Variants in PLCB1 observed in about 807,000 individuals in gnomAD.
PLCB1 encodes the protein 1-phosphatidylinositol 4,5-bisphosphate phosphodiesterase beta-1.
In PLCB1, 46 loss-of-function variants were observed where a neutral mutation model predicts 161.8. That is an observed-to-expected ratio of 0.28 (90% CI 0.22 to 0.36). The LOEUF is 0.36. Among genes scored for constraint, PLCB1 ranks in the 10% least tolerant of loss-of-function variants. PLCB1 has a pLI of 1.00. For missense variants in PLCB1, 1,016 were observed against 1,472.5 expected (o/e 0.69, Z 5.07); for synonymous variants, 517 against 503.7 (o/e 1.03, Z -0.35).
At chr20:8,655,738 G>A (rs1989440445) in intron 7 of PLCB1, among the ~76,000 whole-genome samples, 1 of 152,032 alleles carries the variant, frequency 6.6e-6, no homozygotes, top group Admixed American at 6.6e-5. Flanking sequence ...ATCCAGTAAA[G>A]CTGGAGGCAC....
intron 12 of PLCB1, among the ~76,000 whole-genome samples, chr20:8,714,070 G>A (rs1423196713): frequency 6.6e-6 from 1 of 152,048 alleles, no homozygotes; most frequent in Non-Finnish European, 1.5e-5. Context: ...CAACAGTCAG[G>A]AAAAATGTCA....
At chr20:8,212,671 T>C (rs1978889477) in intron 2 of PLCB1, among the ~76,000 whole-genome samples, 1 of 152,132 alleles carries the variant, frequency 6.6e-6, no homozygotes. Flanking sequence ...CTTCAGACCT[T>C]GGCCAAAAGC....
intron 1 of PLCB1, among the ~76,000 whole-genome samples, chr20:8,146,152 A>C (rs1444712821): frequency 6.6e-6 from 1 of 151,692 alleles, no homozygotes; most frequent in African/African-American, 2.4e-5. Flanking sequence ...ACAGCATATA[A>C]ACAGATATTC....
intron 3 of PLCB1, among the ~76,000 whole-genome samples, chr20:8,526,808 T>C (rs1012380525): frequency 6.6e-6 from 1 of 152,108 alleles, no homozygotes; most frequent in Admixed American, 6.6e-5. Flanking sequence ...GCACCTACTG[T>C]TTCAATTTGC....
chr20:8,507,824 C>T (rs1454664293), intron 3 of PLCB1, among the ~76,000 whole-genome samples: 4 of 151,958 alleles, frequency 2.6e-5, no homozygotes, highest in Non-Finnish European at 5.9e-5. Context: ...AAATATAATA[C>T]AAAAAATGGA....
chr20:8,777,391 C>G (rs1982995758), intron 27 of PLCB1, among the ~76,000 whole-genome samples: 1 of 152,094 alleles, frequency 6.6e-6, no homozygotes, highest in African/African-American at 2.4e-5. Flanking sequence ...GCAGATGACT[C>G]AAGTTTACTA....
intron 3 of PLCB1, among the ~76,000 whole-genome samples, chr20:8,391,828 C>CTTGA (rs1987613820): frequency 7.6e-6 from 1 of 132,414 alleles, no homozygotes; most frequent in African/African-American, 2.8e-5. Flanking sequence ...TATATATACA[C>CTTGA]ACACATATAT....
intron 3 of PLCB1, among the ~76,000 whole-genome samples, chr20:8,431,162 T>C (rs757890560): frequency 3.9e-5 from 6 of 152,070 alleles, no homozygotes; most frequent in Non-Finnish European, 8.8e-5. Flanking sequence ...TCAAACGAAG[T>C]GTAAAAGAAA....
chr20:8,501,992 C>T (rs1451111119), intron 3 of PLCB1, among the ~76,000 whole-genome samples: 9 of 146,594 alleles, frequency 6.1e-5, no homozygotes, highest in African/African-American at 2.3e-4. Flanking sequence ...CTAAGGAATG[C>T]AATTCCAAAA....
intron 14 of PLCB1, among the ~76,000 whole-genome samples, chr20:8,719,426 A>G (rs1979507695): frequency 6.6e-6 from 1 of 152,204 alleles, no homozygotes; most frequent in Non-Finnish European, 1.5e-5. Context: ...CAACAGATAA[A>G]TGAATTATGG....
chr20:8,707,742 C>T (rs6086559), intron 11 of PLCB1, among the ~76,000 whole-genome samples: 45,101 of 151,988 alleles, frequency 0.3, 7,744 homozygotes, highest in South Asian at 0.45. Flanking sequence ...ATGTAGCTGT[C>T]CAACAGTTGG....
intron 2 of PLCB1, among the ~76,000 whole-genome samples, chr20:8,364,376 G>A (rs1600345145): frequency 6.6e-6 from 1 of 152,188 alleles, no homozygotes; most frequent in South Asian, 2.1e-4. Context: ...GAATGGAACC[G>A]ATAATATCCG....
intron 2 of PLCB1, among the ~76,000 whole-genome samples, chr20:8,319,407 T>C (rs1407414021): frequency 6.6e-6 from 1 of 152,088 alleles, no homozygotes; most frequent in Non-Finnish European, 1.5e-5. Context: ...TCCAGAAGGC[T>C]AGCCCAAGAT....
At chr20:8,168,203 G>A (rs1207386751) in intron 2 of PLCB1, among the ~76,000 whole-genome samples, 1 of 152,194 alleles carries the variant, frequency 6.6e-6, no homozygotes, top group Non-Finnish European at 1.5e-5. Context: ...ACCTATTGAT[G>A]ACAAGATCTG....
chr20:8,315,697 TG>T (rs1984612842), intron 2 of PLCB1, among the ~76,000 whole-genome samples: 1 of 152,186 alleles, frequency 6.6e-6, no homozygotes, highest in African/African-American at 2.4e-5. Context: ...AAGTTTCTTG[TG>T]TCTGCCGGTC....
intron 2 of PLCB1, among the ~76,000 whole-genome samples, chr20:8,284,599 G>A (rs1983026891): frequency 6.6e-6 from 1 of 152,100 alleles, no homozygotes; most frequent in Non-Finnish European, 1.5e-5. Context: ...AGAAATTATT[G>A]CTCTTTTGGT....
chr20:8,435,413 C>T (rs1980254865), intron 3 of PLCB1, among the ~76,000 whole-genome samples: 1 of 152,100 alleles, frequency 6.6e-6, no homozygotes, highest in African/African-American at 2.4e-5. Flanking sequence ...TTGAGTAAAT[C>T]AAAAGGGAGA....
intron 11 of PLCB1, among the ~76,000 whole-genome samples, chr20:8,708,408 A>T (rs1260495411): frequency 6.6e-6 from 1 of 152,152 alleles, no homozygotes; most frequent in Non-Finnish European, 1.5e-5. Context: ...TAAAAAATAG[A>T]TACAATTAGC....
intron 2 of PLCB1, among the ~76,000 whole-genome samples, chr20:8,365,882 G>A (rs1037846313): frequency 6.6e-6 from 1 of 151,970 alleles, no homozygotes. Context: ...TTATTATATT[G>A]GGTGACTAAT....
Sources: gnomAD v4.1 joint callset for allele counts (sites outside exome capture counted in the v4.1 genomes callset) on GRCh38, gnomAD v4.1.1 for gene constraint, MANE v1.5 for transcripts, NCBI Gene and HGNC (gene_info 2026-07-23, HGNC 2026-07-21) for gene names.